BCKDK: variants seen among roughly 807,000 people sequenced by gnomAD.
The protein encoded by BCKDK is branched-chain alpha-ketoacid dehydrogenase kinase.
Under a neutral mutation model 43.9 loss-of-function variants are expected in BCKDK, and 28 were observed. That is an observed-to-expected ratio of 0.64 (90% confidence interval 0.47 to 0.87). BCKDK has a LOEUF of 0.87. BCKDK is among the 40% of genes least tolerant of loss of function. The probability of loss-of-function intolerance (pLI) is 0.00; values close to 1 mark genes in which losing one functional copy is unlikely to be tolerated. For missense variants in BCKDK, 483 were observed against 581.4 expected (o/e 0.83, Z 1.74); for synonymous variants, 257 against 234.3 (o/e 1.10, Z -0.88).
Position 31,112,121 on chromosome 16 carries a change from C to G in BCKDK, c.1095C>G (p.Gly365=). The G allele has an allele frequency of 6.2e-7, 1 of 1,608,546 alleles. No homozygotes were observed. The highest frequency in any genetic ancestry group is 8.5e-7 in the Non-Finnish European group (1 of 1,176,306). Residue 365 remains glycine, a splice_region_variant and synonymous_variant, in exon 12 of 12, where the codon GGC becomes GGG. Coordinates refer to ENST00000219794, the MANE Select transcript of BCKDK (RefSeq NM_005881.4). This position sits in a 1 kb window ranked among gnomAD's most constrained non-coding sequence, Gnocchi z 5.0. The stretch of plus-strand genomic sequence containing the variant: ...GTCCTGTCCCCCTGCCCACCCCCAG[C>G]TTTGGCTTCGGGTTGCCCACGTCAC... ...HSGAQSGPMH[G]FGFGLPTSRA...
downstream of BCKDK, among the ~76,000 whole-genome samples, chr16:31,117,268 G>A (rs1462795549): frequency 6.6e-6 from 1 of 151,462 alleles, no homozygotes; most frequent in Non-Finnish European, 1.5e-5. Flanking sequence ...TACCCGGGAG[G>A]CTGAGGCAGA....
Position 31,109,084 on chromosome 16 carries a change from C to T in BCKDK, c.-140C>T. On this transcript the variant is annotated 5_prime_UTR_variant, in exon 2 of 12. Coordinates refer to ENST00000219794, the MANE Select transcript of BCKDK (RefSeq NM_005881.4). This position sits in a 1 kb window ranked among gnomAD's most constrained non-coding sequence, Gnocchi z 5.3. ...CTCCGCGGGCTGAGCCTGTCAGCAT[C>T]CTCGACGCACCCTGGTCCCTGAAGT... 1 of 729,016 alleles carries T rather than the reference C, an allele frequency of 1.4e-6. No homozygotes were observed. The highest frequency in any genetic ancestry group is 2.1e-6 in the Non-Finnish European group (1 of 481,932). 45.2% of individuals were successfully genotyped at this position (729,016 alleles called of 1,614,324 possible).
rs2057425188 is a variant in BCKDK, at chr16:31,112,773, TTTCA to T, written c.*514_*517del. On this transcript the variant is annotated 3_prime_UTR_variant, in exon 12 of 12. Coordinates refer to ENST00000219794, the MANE Select transcript of BCKDK (RefSeq NM_005881.4). The surrounding 1 kb of genome is among the most constrained non-coding windows in gnomAD (Gnocchi z 5.0). ...GACTGCAGCACCTTATACAAAGAGC[TTTCA>T]TTCATCTTGTTGAACAAATGTTTCC... 1 of 219,776 alleles carries T rather than the reference TTTCA, an allele frequency of 4.6e-6. No individual in the cohort carries two copies. 13.6% of individuals were successfully genotyped at this position (219,776 alleles called of 1,614,324 possible). A position where few individuals can be genotyped will look rare whatever the true frequency, so the allele number is the denominator to read the frequency against.
In BCKDK at chr16:31,109,111, G is replaced by T; in HGVS notation, c.-113G>T. The T allele has an allele frequency of 1.1e-6, 1 of 951,386 alleles. No individual in the cohort carries two copies. The allele number at this position is 951,386 out of a possible 1,614,324, so 58.9% of individuals were successfully genotyped here. A position where few individuals can be genotyped will look rare whatever the true frequency, so the allele number is the denominator to read the frequency against. On this transcript the variant is annotated 5_prime_UTR_variant, in exon 2 of 12. Coordinates refer to ENST00000219794, the MANE Select transcript of BCKDK (RefSeq NM_005881.4). This position sits in a 1 kb window ranked among gnomAD's most constrained non-coding sequence, Gnocchi z 5.3. Reference sequence around the variant, plus strand: ...TCGACGCACCCTGGTCCCTGAAGTCGGAGAAGAGCCCCTACCCACCCACAC... The same window carrying T: ...TCGACGCACCCTGGTCCCTGAAGTCTGAGAAGAGCCCCTACCCACCCACAC...
In BCKDK at chr16:31,111,903, G is replaced by C. The variant is rs1433136176; in HGVS notation, c.970G>C (p.Asp324His). ...SDRGGGIAHKDLDRVMDYHFT... is the reference protein window; with the variant it reads ...SDRGGGIAHKHLDRVMDYHFT... ...CCGTGGTGGAGGAATCGCTCACAAA[G>C]ATCTGGACCGGGTCATGGACTACCA... Residue 324 changes from aspartate (D) to histidine (H), a missense_variant, in exon 11 of 12, where the codon GAT becomes CAT. Transcript: ENST00000219794. The C allele has an allele frequency of 5.0e-6, 8 of 1,614,196 alleles. No individual in the cohort carries two copies. The highest frequency in any genetic ancestry group is 6.8e-6 in the Non-Finnish European group (8 of 1,180,034).
chr16:31,114,615 C>G (rs1291295153), downstream of BCKDK, among the ~76,000 whole-genome samples: 1 of 152,154 alleles, frequency 6.6e-6, no homozygotes, highest in Non-Finnish European at 1.5e-5. Context: ...ATAAATCAAA[C>G]AAGATTCAGA....
chr16:31,117,162 G>C (rs1354429203), downstream of BCKDK, among the ~76,000 whole-genome samples: 1 of 151,860 alleles, frequency 6.6e-6, no homozygotes, highest in African/African-American at 2.4e-5. Flanking sequence ...ACGAGGTCAA[G>C]AGATCAAGAC....
chr16:31,115,430 TCAGGCTGGTCTCGAA>T (rs1045048553), downstream of BCKDK, among the ~76,000 whole-genome samples: 2 of 150,058 alleles, frequency 1.3e-5, no homozygotes, highest in African/African-American at 4.9e-5. Context: ...TCCATGTTGG[TCAGGCTGGTCTCGAA>T]CTCCCGACCT....
downstream of BCKDK, among the ~76,000 whole-genome samples, chr16:31,114,545 T>C (rs1240716368): frequency 6.6e-6 from 1 of 152,006 alleles, no homozygotes; most frequent in Non-Finnish European, 1.5e-5. Context: ...GAGAGACCCA[T>C]CCGCAGGCCC....
At chr16:31,111,541 T>C in intron 10 of BCKDK, 152 bp downstream of exon 10, 1 of 926,988 alleles carries the variant, frequency 1.1e-6, no homozygotes, top group Admixed American at 2.2e-5. Flanking sequence ...GAGATGGCCA[T>C]GAGCTGCTTA....
downstream of BCKDK, among the ~76,000 whole-genome samples, chr16:31,116,046 G>A (rs908742011): frequency 6.6e-6 from 1 of 151,672 alleles, no homozygotes; most frequent in African/African-American, 2.4e-5. Flanking sequence ...CGAGTAGCTG[G>A]GACTACAGGG....
chr16:31,114,293 C>CA (rs1424884909), downstream of BCKDK, among the ~76,000 whole-genome samples: 6 of 142,372 alleles, frequency 4.2e-5, no homozygotes, highest in South Asian at 2.8e-4. Flanking sequence ...CCGCCCCACC[C>CA]CCCCCCAACC....
chr16:31,111,520 C>A, intron 10 of BCKDK, 131 bp downstream of exon 10: 1 of 1,047,202 alleles, frequency 9.5e-7, no homozygotes, highest in South Asian at 1.5e-5. Context: ...ACAAACTATT[C>A]TCTGAATCCT....
At chr16:31,116,722 G>A (rs1234905450), downstream of BCKDK, among the ~76,000 whole-genome samples, 1 of 147,668 alleles carries the variant, frequency 6.8e-6, no homozygotes. Context: ...TTCGAGACCA[G>A]CCTGGCCAAC....
In BCKDK at chr16:31,111,017, G is replaced by A. The variant is rs550126439; in HGVS notation, c.717-74G>A. The A allele has an allele frequency of 8.8e-6, 14 of 1,590,354 alleles. No individual in the cohort carries two copies. In the South Asian group the frequency reaches 1.3e-4, roughly 14 times the overall value. On this transcript the variant is annotated intron_variant, in intron 8 of 11. Transcript: ENST00000219794. ...TCTGCACATTGCCATATGTTACTTA[G>A]GGGGGCAGAATTGTTTCCAGTTGCA...
In BCKDK at chr16:31,110,975, T is replaced by C; in HGVS notation, c.717-116T>C. 1 of 1,522,108 alleles carries C rather than the reference T, an allele frequency of 6.6e-7. No homozygotes were observed. The allele number at this position is 1,522,108 out of a possible 1,614,324, so 94.3% of individuals were successfully genotyped here. A position where few individuals can be genotyped will look rare whatever the true frequency, so the allele number is the denominator to read the frequency against. On this transcript the variant is annotated intron_variant, in intron 8 of 11. Transcript: ENST00000219794. This position sits in a 1 kb window ranked among gnomAD's most constrained non-coding sequence, Gnocchi z 5.4. Reference sequence around the variant, plus strand: ...TGGCGCCAGCAGTACTGCCTAGTTGTGACAAACAAAAATGTCTCTGCACAT... The same window carrying C: ...TGGCGCCAGCAGTACTGCCTAGTTGCGACAAACAAAAATGTCTCTGCACAT...
chr16:31,109,772 A>G lies in BCKDK; in HGVS notation c.364A>G (p.Ile122Val), dbSNP rs2057394917. Reference sequence around the variant, plus strand: ...TTTCATCATTGGCTGCAACCCCACCATACTGCACGTGGTAAGGTAGAGAGG... The same window carrying G: ...TTTCATCATTGGCTGCAACCCCACCGTACTGCACGTGGTAAGGTAGAGAGG... ...LPFIIGCNPT[I>V]LHVHELYIRA... The change falls in exon 4 of 12, where the codon ATA (isoleucine) becomes GTA (valine). Residue 122 changes from isoleucine to valine, a missense_variant. Transcript: ENST00000219794. The surrounding 1 kb of genome is among the most constrained non-coding windows in gnomAD (Gnocchi z 5.3). 1.2e-6 allele frequency: 2 copies of G among 1,613,596 alleles called. No individual in the cohort carries two copies. The highest frequency in any genetic ancestry group is 1.7e-6 in the Non-Finnish European group (2 of 1,179,914).
chr16:31,109,404 G>T lies in BCKDK; in HGVS notation c.181G>T (p.Ala61Ser), dbSNP rs73530211. ...TSFYNQSAIDAAAEKPSVRLT... is the reference protein window; with the variant it reads ...TSFYNQSAIDSAAEKPSVRLT... The stretch of plus-strand genomic sequence containing the variant: ...CTTTTACAACCAGTCGGCCATCGAC[G>T]CGGCAGCGGAGAAGGTGCGCAAGGG... The change falls in exon 2 of 12, where the codon GCG (alanine) becomes TCG (serine). Residue 61 changes from alanine to serine, a missense_variant. By Grantham distance (99) the Ala-to-Ser change is moderately conservative. Transcript: ENST00000219794. The surrounding 1 kb of genome is among the most constrained non-coding windows in gnomAD (Gnocchi z 5.3). 830 of 1,608,256 alleles carry T rather than the reference G, an allele frequency of 5.2e-4. 4 individuals carry two copies. The African/African-American group carries it at 0.01, about 20-fold the overall frequency.
Position 31,112,473 on chromosome 16 carries a change from T to A in BCKDK, c.*208T>A. The A allele has an allele frequency of 1.3e-6, 1 of 790,888 alleles. No individual in the cohort carries two copies. The highest frequency in any genetic ancestry group is 1.7e-5 in the African/African-American group (1 of 58,796). The allele number at this position is 790,888 out of a possible 1,614,324, so 49.0% of individuals were successfully genotyped here. A position where few individuals can be genotyped will look rare whatever the true frequency, so the allele number is the denominator to read the frequency against. ...GCCTCCAGAACTTGGAGCAGGGAAG[T>A]GGGCACCCTGAGGCCTCCAGCACCA... On this transcript the variant is annotated 3_prime_UTR_variant, in exon 12 of 12. Coordinates refer to ENST00000219794, the MANE Select transcript of BCKDK (RefSeq NM_005881.4). The surrounding 1 kb of genome is among the most constrained non-coding windows in gnomAD (Gnocchi z 5.0).
Sources: allele counts gnomAD v4.1 joint callset (sites outside exome capture counted in the v4.1 genomes callset), GRCh38; gene constraint gnomAD v4.1.1; non-coding constraint Gnocchi (gnomAD v3.1); transcripts MANE v1.5; gene names NCBI Gene and HGNC (gene_info 2026-07-23, HGNC 2026-07-21).